CAMSAP1: variants seen among roughly 807,000 people sequenced by gnomAD.
CAMSAP1 encodes the protein calmodulin regulated spectrin associated protein 1.
CAMSAP1 carries 58 observed loss-of-function variants against 143.5 expected under a neutral mutation model. The ratio of observed to expected loss-of-function variants is 0.40; its 90% confidence interval spans 0.33 to 0.50. The LOEUF (loss-of-function observed/expected upper bound fraction) is 0.50, where lower values mean the gene tolerates loss of function less well. Ranked by LOEUF, CAMSAP1 falls within the 20% of genes least tolerant of loss-of-function variation. The pLI is 0.45. For synonymous variants in CAMSAP1, 945 were observed against 859.3 expected, an observed-to-expected ratio of 1.10 and a Z score of -1.74; for missense variants, 1,969 against 2,115.7, an observed-to-expected ratio of 0.93 and a Z score of 1.36.
In CAMSAP1 at chr9:135,824,135, G is replaced by A. The variant is rs187144198; in HGVS notation, c.1316-101C>T. On this transcript the variant is annotated intron_variant, in intron 9 of 16. Coordinates refer to ENST00000389532, the MANE Select transcript of CAMSAP1 (RefSeq NM_015447.4). The surrounding 1 kb of genome is among the most constrained non-coding windows in gnomAD (Gnocchi z 4.1). The stretch of plus-strand genomic sequence containing the variant: ...GTCCAGAAAAATGCCTCTCAAGTCA[G>A]TACACCAGAAGGGCCGCATGGAAAG... The A allele has an allele frequency of 4.6e-4, 463 of 1,012,442 alleles. 7 individuals carry two copies. In the East Asian group the frequency reaches 9.5e-3, roughly 21 times the overall value. 62.7% of individuals were successfully genotyped at this position (1,012,442 alleles called of 1,614,324 possible).
chr9:135,852,025 A>G (rs142567466), intron 5 of CAMSAP1, among the ~76,000 whole-genome samples: 1 of 152,290 alleles, frequency 6.6e-6, no homozygotes, highest in Non-Finnish European at 1.5e-5. Context: ...GCACCGCAGC[A>G]TGACCGACCT....
Position 135,818,033 on chromosome 9 carries a change from G to A in CAMSAP1, c.4215C>T (p.Ala1405=), listed in dbSNP as rs762938446. The A allele has an allele frequency of 5.0e-6, 8 of 1,613,932 alleles. No individual in the cohort carries two copies. The highest frequency in any genetic ancestry group is 6.8e-6 in the Non-Finnish European group (8 of 1,179,882). ...TCTCGGGTTCTGTCGTCGCCGCAGA[G>A]GCCAAGGACAGGCTGGAGCCTGACT... ...RTQSGSSLSL[A]SAATTEPESV... The change falls in exon 14 of 17, where the codon GCC becomes GCT. Residue 1405 remains alanine (A), a synonymous_variant. Transcript: ENST00000389532. This position sits in a 1 kb window ranked among gnomAD's most constrained non-coding sequence, Gnocchi z 7.7.
At chr9:135,858,003 A>G (rs1043214485) in intron 5 of CAMSAP1, among the ~76,000 whole-genome samples, 1 of 152,118 alleles carries the variant, frequency 6.6e-6, no homozygotes, top group East Asian at 1.9e-4. Context: ...AGTGAACCTG[A>G]GCTCTCATTG....
In CAMSAP1 at chr9:135,821,266, T is replaced by A; in HGVS notation, c.3395A>T (p.His1132Leu). 1 of 1,609,570 alleles carries A rather than the reference T, an allele frequency of 6.2e-7. No individual in the cohort carries two copies. The highest frequency in any genetic ancestry group is 2.2e-5 in the East Asian group (1 of 44,880). ...TPTPSVETLP[H>L]LRPFPASSHP... ...GCTGCTGGCAGGGAAGGGTCTCAAG[T>A]GCGGGAGCGTCTCTACACTGGGCGT... The change falls in exon 11 of 17, where the codon CAC becomes CTC. Residue 1132 changes from histidine to leucine, a missense_variant. By Grantham distance (99) the His-to-Leu change is moderately conservative. This residue lies in a region of CAMSAP1 where 1,390 missense variants were observed against 1,420.8 expected (regional missense o/e 0.98). Coordinates refer to ENST00000389532, the MANE Select transcript of CAMSAP1 (RefSeq NM_015447.4). The surrounding 1 kb of genome is among the most constrained non-coding windows in gnomAD (Gnocchi z 4.6).
Position 135,811,714 on chromosome 9 carries a change from A to G in CAMSAP1, c.4507-103T>C. 1 of 1,125,954 alleles carries G rather than the reference A, an allele frequency of 8.9e-7. No homozygotes were observed. The highest frequency in any genetic ancestry group is 1.5e-5 in the South Asian group (1 of 65,382). 69.7% of individuals were successfully genotyped at this position (1,125,954 alleles called of 1,614,324 possible). On this transcript the variant is annotated intron_variant, in intron 16 of 16. Transcript: ENST00000389532. The surrounding 1 kb of genome is among the most constrained non-coding windows in gnomAD (Gnocchi z 4.9). ...GCTCAACCAGCACCGCTCCGTGGGA[A>G]GCTCTCCCACCCGTCAGCTACGGCC...
chr9:135,827,709 C>A (rs1835727900), intron 7 of CAMSAP1, 125 bp from the exon 8 acceptor site: 3 of 939,098 alleles, frequency 3.2e-6, no homozygotes, highest in African/African-American at 1.7e-5. Context: ...CCAAAAAAAA[C>A]TGGTTTCAAG....
At chr9:135,903,899 TC>T (rs1838690049) in intron 1 of CAMSAP1, among the ~76,000 whole-genome samples, 1 of 152,044 alleles carries the variant, frequency 6.6e-6, no homozygotes, top group Admixed American at 6.5e-5. Context: ...CAAAACCCCC[TC>T]CCCACTCAGT....
intron 7 of CAMSAP1, chr9:135,836,977 C>T (rs1836080325): frequency 5.1e-6 from 5 of 973,588 alleles, no homozygotes; most frequent in Non-Finnish European, 4.9e-6. Flanking sequence ...ACCCATTCTA[C>T]AGACACACAT....
At chr9:135,813,919 G>A (rs1220323438) in intron 16 of CAMSAP1, among the ~76,000 whole-genome samples, 1 of 152,194 alleles carries the variant, frequency 6.6e-6, no homozygotes, top group Non-Finnish European at 1.5e-5. Context: ...AAGAACGAGA[G>A]CAGAGGGAGC....
chr9:135,871,320 C>G (rs1372685544), intron 3 of CAMSAP1, among the ~76,000 whole-genome samples: 1 of 152,114 alleles, frequency 6.6e-6, no homozygotes, highest in Non-Finnish European at 1.5e-5. Flanking sequence ...TCCCAAGTAG[C>G]TGGGACTACA....
chr9:135,855,799 T>C (rs984921854), intron 5 of CAMSAP1, among the ~76,000 whole-genome samples: 2 of 140,616 alleles, frequency 1.4e-5, no homozygotes, highest in African/African-American at 5.3e-5. Context: ...ACGCCTGTAA[T>C]CCCAGCACTT....
chr9:135,885,128 C>T (rs560041284), intron 1 of CAMSAP1, among the ~76,000 whole-genome samples: 1 of 152,180 alleles, frequency 6.6e-6, no homozygotes, highest in Admixed American at 6.5e-5. Flanking sequence ...CATCTCGCTG[C>T]CTGCTCCATC....
intron 11 of CAMSAP1, 49 bp from the exon 12 acceptor site, chr9:135,819,195 C>T (rs763082104): frequency 6.4e-6 from 10 of 1,556,956 alleles, no homozygotes; most frequent in African/African-American, 1.4e-5. Flanking sequence ...CCTCAGACGC[C>T]GGACACGGCC....
intron 5 of CAMSAP1, among the ~76,000 whole-genome samples, chr9:135,856,339 A>T (rs986567289): frequency 3.0e-4 from 45 of 152,324 alleles, no homozygotes; most frequent in African/African-American, 1.0e-3. Flanking sequence ...AAACCATCAG[A>T]TCTCATGAGA....
intron 7 of CAMSAP1, among the ~76,000 whole-genome samples, chr9:135,848,834 G>A (rs987847400): frequency 6.6e-6 from 1 of 152,206 alleles, no homozygotes; most frequent in African/African-American, 2.4e-5. Context: ...TTTCCCTGAG[G>A]ATACACCACA....
Position 135,822,138 on chromosome 9 carries a change from C to T in CAMSAP1, c.2523G>A (p.Thr841=), listed in dbSNP as rs763467379. 7.4e-6 allele frequency: 12 copies of T among 1,613,140 alleles called. No individual in the cohort carries two copies. In the East Asian group the frequency reaches 1.6e-4, roughly 21 times the overall value. ...KSSTSSSQKT[T]PDASESCPAP... Reference sequence around the variant, plus strand: ...CTGGGCAGCTCTCAGACGCATCTGGCGTGGTCTTCTGGGAGCTGCTGGTGC... The same window carrying T: ...CTGGGCAGCTCTCAGACGCATCTGGTGTGGTCTTCTGGGAGCTGCTGGTGC... Residue 841 remains threonine, a synonymous_variant, in exon 11 of 17, where the codon ACG becomes ACA. Coordinates refer to ENST00000389532, the MANE Select transcript of CAMSAP1 (RefSeq NM_015447.4). This position sits in a 1 kb window ranked among gnomAD's most constrained non-coding sequence, Gnocchi z 6.1.
At chr9:135,855,284 G>A (rs746841950) in intron 5 of CAMSAP1, among the ~76,000 whole-genome samples, 8 of 151,976 alleles carry the variant, frequency 5.3e-5, no homozygotes, top group Non-Finnish European at 8.8e-5. Context: ...GAGCCACTGC[G>A]CCCGGTCTTA....
intron 1 of CAMSAP1, among the ~76,000 whole-genome samples, chr9:135,887,630 G>C (rs1270670200): frequency 6.6e-6 from 1 of 152,252 alleles, no homozygotes; most frequent in East Asian, 1.9e-4. Context: ...ACTGGGTCAG[G>C]GTACAGACGC....
At chr9:135,885,802 A>C (rs1838103596) in intron 1 of CAMSAP1, among the ~76,000 whole-genome samples, 1 of 152,250 alleles carries the variant, frequency 6.6e-6, no homozygotes, top group Non-Finnish European at 1.5e-5. Context: ...TGACGCACTT[A>C]CTAAAGATAC....
Sources: allele counts gnomAD v4.1 joint callset (sites outside exome capture counted in the v4.1 genomes callset), GRCh38; gene constraint gnomAD v4.1.1; regional missense constraint gnomAD v4.1.1; non-coding constraint Gnocchi (gnomAD v3.1); transcripts MANE v1.5; gene names NCBI Gene and HGNC (gene_info 2026-07-23, HGNC 2026-07-21).